Variants in MYOZ1 observed in about 807,000 individuals in gnomAD.
MYOZ1 encodes the protein myozenin-1.
MYOZ1 carries 20 observed loss-of-function variants against 28.7 expected under a neutral mutation model. The observed-to-expected ratio is 0.70, with a 90% CI of 0.49 to 1.01. MYOZ1 has a LOEUF of 1.01. MYOZ1 is among the 50% of genes least tolerant of loss of function. The pLI, the probability that MYOZ1 is intolerant of heterozygous loss-of-function variation, is 0.00. For synonymous variants in MYOZ1, 144 were observed against 145.8 expected (o/e 0.99, Z 0.09); for missense variants, 371 against 372.4 (o/e 1.00, Z 0.03).
chr10:73,634,559 C>T lies in MYOZ1; in HGVS notation c.427G>A (p.Gly143Ser). ...HHLGSGSGAG[G>S]TGGPAGQAGR... is the part of the protein sequence containing the mutation. ...GCCTGGCCCGCGGGACCACCTGTAC[C>T]CCCAGCTCCAGACCCAGAGCCCAGA... The change falls in exon 4 of 6, where the codon GGT (glycine) becomes AGT (serine). Residue 143 changes from glycine to serine, a missense_variant. Physicochemically the swap from Gly to Ser is moderately conservative, Grantham distance 56. Coordinates refer to ENST00000359322, the MANE Select transcript of MYOZ1 (RefSeq NM_021245.4). 1.2e-6 allele frequency: 2 copies of T among 1,614,104 alleles called. No individual in the cohort carries two copies. The highest frequency in any genetic ancestry group is 1.7e-6 in the Non-Finnish European group (2 of 1,180,028).
chr10:73,636,466 T>A (rs865777196), intron 3 of MYOZ1, among the ~76,000 whole-genome samples: 45 of 152,234 alleles, frequency 3.0e-4, no homozygotes, highest in East Asian at 7.7e-4. Flanking sequence ...TTTTTATTTT[T>A]TTTTTTTAGA....
chr10:73,633,883 T>C lies in MYOZ1; in HGVS notation c.668+17A>G. The C allele has an allele frequency of 1.9e-6, 3 of 1,591,666 alleles. No individual in the cohort carries two copies. The highest frequency in any genetic ancestry group is 2.6e-6 in the Non-Finnish European group (3 of 1,169,028). On this transcript the variant is annotated intron_variant, in intron 5 of 5. Coordinates refer to ENST00000359322, the MANE Select transcript of MYOZ1 (RefSeq NM_021245.4). ...CTCACACTAGAATGCATCTGGTTCC[T>C]TCCTCACCACCCCTACCTGTTGAAG...
In MYOZ1 at chr10:73,632,177, A is replaced by G. The variant is rs923399819; in HGVS notation, c.669-16T>C. On this transcript the variant is annotated splice_polypyrimidine_tract_variant and intron_variant, in intron 5 of 5. Transcript: ENST00000359322. Reference sequence around the variant, plus strand: ...CATTGCCGTCCTGAGAAGGGGACACATTATTTAATTAAGAATCAGAATAAA... The same window carrying G: ...CATTGCCGTCCTGAGAAGGGGACACGTTATTTAATTAAGAATCAGAATAAA... The G allele has an allele frequency of 1.9e-6, 3 of 1,597,766 alleles. No individual in the cohort carries two copies. Among genetic ancestry groups the G allele is most frequent in the South Asian group, 1.1e-5 (1 of 90,714 alleles).
intron 2 of MYOZ1, among the ~76,000 whole-genome samples, chr10:73,639,163 C>T (rs1212276249): frequency 6.6e-6 from 1 of 151,716 alleles, no homozygotes; most frequent in Non-Finnish European, 1.5e-5. Flanking sequence ...AACTCTGTCA[C>T]CCAGGCTGGA....
intron 2 of MYOZ1, 85 bp from the exon 3 acceptor site, chr10:73,638,007 A>T: frequency 2.4e-6 from 3 of 1,266,226 alleles, no homozygotes; most frequent in Non-Finnish European, 3.3e-6. Context: ...ATCCACAACT[A>T]AGTGTGTATG....
At position 73,633,899 on chromosome 10, in the gene MYOZ1, C is replaced by T; in HGVS notation, c.668+1G>A. The T allele has an allele frequency of 6.2e-7, 1 of 1,605,030 alleles. No individual in the cohort carries two copies. ...TCTGGTTCCTTCCTCACCACCCCTA[C>T]CTGTTGAAGGACTTATATTTGGGAA... On this transcript the variant is annotated splice_donor_variant, in intron 5 of 5. Transcript: ENST00000359322. LOFTEE classifies it high-confidence loss of function.
intron 2 of MYOZ1, among the ~76,000 whole-genome samples, chr10:73,638,706 T>A (rs13376914): frequency 6.9e-6 from 1 of 145,806 alleles, no homozygotes; most frequent in African/African-American, 2.5e-5. Flanking sequence ...TTGCTCTGTC[T>A]CCCAGGCTGA....
Position 73,638,017 on chromosome 10 carries a change from G to C in MYOZ1, c.74-95C>G, listed in dbSNP as rs1190674578. The C allele has an allele frequency of 3.5e-6, 4 of 1,156,446 alleles. No homozygotes were observed. The Admixed American group carries it at 8.9e-5, about 26-fold the overall frequency. The allele number at this position is 1,156,446 out of a possible 1,614,324, so 71.6% of individuals were successfully genotyped here. Reference sequence around the variant, plus strand: ...ACCTCATCCACAACTAAGTGTGTATGTGTGTCCTGGCAGAGGTCATTTAGG... The same window carrying C: ...ACCTCATCCACAACTAAGTGTGTATCTGTGTCCTGGCAGAGGTCATTTAGG... On this transcript the variant is annotated intron_variant, in intron 2 of 5. Transcript: ENST00000359322.
chr10:73,639,217 G>A (rs2081688463), intron 2 of MYOZ1, among the ~76,000 whole-genome samples: 1 of 151,876 alleles, frequency 6.6e-6, no homozygotes, highest in Admixed American at 6.6e-5. Context: ...CCACCTCCCG[G>A]GTTCAAGCGA....
chr10:73,633,169 T>C (rs1589445028), intron 5 of MYOZ1, among the ~76,000 whole-genome samples: 1 of 151,842 alleles, frequency 6.6e-6, no homozygotes, highest in South Asian at 2.1e-4. Context: ...TGGTGGCGGG[T>C]GCCTATAATG....
At chr10:73,639,586 C>G (rs946474385) in intron 2 of MYOZ1, among the ~76,000 whole-genome samples, 2 of 152,184 alleles carry the variant, frequency 1.3e-5, no homozygotes. Flanking sequence ...AGCTCCCTAG[C>G]TCTGGGGAAA....
intron 4 of MYOZ1, 43 bp downstream of exon 4, chr10:73,634,441 G>A (rs1314814798): frequency 1.4e-5 from 23 of 1,607,948 alleles, no homozygotes; most frequent in Middle Eastern, 1.7e-4. Flanking sequence ...GGACAACTCT[G>A]CTCTAGGGAC....
intron 2 of MYOZ1, 78 bp from the exon 3 acceptor site, chr10:73,638,000 C>G: frequency 7.4e-7 from 1 of 1,350,588 alleles, no homozygotes; most frequent in African/African-American, 1.4e-5. Context: ...AGACCTCATC[C>G]ACAACTAAGT....
chr10:73,633,958 T>C lies in MYOZ1; in HGVS notation c.610A>G (p.Ile204Val). The C allele has an allele frequency of 6.2e-7, 1 of 1,614,084 alleles. No individual in the cohort carries two copies. Among genetic ancestry groups the C allele is most frequent in the South Asian group, 1.1e-5 (1 of 91,052 alleles). ...VDPQQKMELG[I>V]DLLAYGAKAE... ...TTGGCCCCATAGGCCAGCAGGTCAATGCCAAGTTCCATTTTTTGCTGGGGG... is the reference window on the plus strand; with the variant it reads ...TTGGCCCCATAGGCCAGCAGGTCAACGCCAAGTTCCATTTTTTGCTGGGGG... Residue 204 changes from isoleucine (I) to valine (V), a missense_variant, in exon 5 of 6, where the codon ATT (isoleucine) becomes GTT (valine). Ile to Val is a conservative substitution (Grantham distance 29). Coordinates refer to ENST00000359322, the MANE Select transcript of MYOZ1 (RefSeq NM_021245.4).
intron 3 of MYOZ1, among the ~76,000 whole-genome samples, chr10:73,635,946 G>T (rs1317483499): frequency 6.6e-6 from 1 of 152,128 alleles, no homozygotes; most frequent in African/African-American, 2.4e-5. Context: ...ACTTCTTCAG[G>T]AGGCTCTCCT....
At chr10:73,635,018 A>G (rs3781218) in intron 3 of MYOZ1, among the ~76,000 whole-genome samples, 33,500 of 151,814 alleles carry the variant, frequency 0.22, 5,508 homozygotes, top group African/African-American at 0.45. Flanking sequence ...TCAGCCTTCC[A>G]GGTTCAAGCA....
At chr10:73,633,499 C>T (rs532151781) in intron 5 of MYOZ1, among the ~76,000 whole-genome samples, 16 of 151,980 alleles carry the variant, frequency 1.1e-4, no homozygotes, top group Middle Eastern at 3.4e-3. Context: ...TAGGCAGAGG[C>T]GGGAGGATAG....
chr10:73,632,136 C>T lies in MYOZ1; in HGVS notation c.694G>A (p.Glu232Lys). The change falls in exon 6 of 6, where the codon GAG becomes AAG. Residue 232 changes from glutamate to lysine, a missense_variant. Coordinates refer to ENST00000359322, the MANE Select transcript of MYOZ1 (RefSeq NM_021245.4). ...AAGGTCATGCGTTTGGAGGCCTTCT[C>T]ATATCCACCATAGGGCATTGCCGTC... ...NRTAMPYGGY[E>K]KASKRMTFQM... 2 of 1,614,170 alleles carry T rather than the reference C, an allele frequency of 1.2e-6. No homozygotes were observed. Among genetic ancestry groups the T allele is most frequent in the South Asian group, 2.2e-5 (2 of 91,072 alleles).
chr10:73,637,553 T>C (rs2081674551), intron 3 of MYOZ1, among the ~76,000 whole-genome samples, 191 bp downstream of exon 3: 1 of 152,190 alleles, frequency 6.6e-6, no homozygotes, highest in Non-Finnish European at 1.5e-5. Context: ...GGCTCTATGA[T>C]GAAAACTGGG....
Sources: allele counts gnomAD v4.1 joint callset (sites outside exome capture counted in the v4.1 genomes callset), GRCh38; gene constraint gnomAD v4.1.1; transcripts MANE v1.5; gene names NCBI Gene and HGNC (gene_info 2026-07-23, HGNC 2026-07-21).